Variants in COL5A2 observed in about 807,000 individuals in gnomAD.
COL5A2 encodes collagen type V alpha 2 chain, also known as collagen alpha-2(V) chain.
A neutral mutation model predicts 208.2 loss-of-function variants in COL5A2; 23 were observed. The ratio of observed to expected loss-of-function variants is 0.11; its 90% confidence interval spans 0.08 to 0.16. COL5A2 has a LOEUF of 0.16. COL5A2 is among the 10% of genes least tolerant of loss of function. The pLI, the probability that COL5A2 is intolerant of heterozygous loss-of-function variation, is 1.00. For synonymous variants in COL5A2, 625 were observed against 628.5 expected, an observed-to-expected ratio of 0.99 and a Z score of 0.08; for missense variants, 1,590 against 1,956.4, an observed-to-expected ratio of 0.81 and a Z score of 3.53.
chr2:189,139,411 T>A (rs933966773), intron 1 of COL5A2, among the ~76,000 whole-genome samples: 3 of 151,968 alleles, frequency 2.0e-5, no homozygotes, highest in Non-Finnish European at 2.9e-5. Context: ...ATCATACACA[T>A]CCTAATTGAG....
chr2:189,065,966 A>G (rs2105598172), intron 23 of COL5A2, among the ~76,000 whole-genome samples: 1 of 152,290 alleles, frequency 6.6e-6, no homozygotes, highest in South Asian at 2.1e-4. Flanking sequence ...TACAACACTG[A>G]CATATATGTG....
At chr2:189,319,853 G>C in the COL5A2 span, among the ~76,000 whole-genome samples, 20 of 152,344 alleles carry the variant, frequency 1.3e-4, no homozygotes, top group South Asian at 3.9e-3. Flanking sequence ...TCTGAGAATG[G>C]ACAGACTGCA....
the COL5A2 span, among the ~76,000 whole-genome samples, chr2:189,432,445 T>C: frequency 6.6e-6 from 1 of 152,100 alleles, no homozygotes; most frequent in African/African-American, 2.4e-5. Context: ...CCATCTCACA[T>C]GCAGAGACAC....
At chr2:189,114,537 C>A (rs1426075331) in intron 1 of COL5A2, among the ~76,000 whole-genome samples, 1 of 151,146 alleles carries the variant, frequency 6.6e-6, no homozygotes, top group Admixed American at 6.6e-5. Flanking sequence ...AAATGACATT[C>A]TGAGAAATTC....
At chr2:189,338,765 CATT>C in the COL5A2 span, among the ~76,000 whole-genome samples, 2 of 149,674 alleles carry the variant, frequency 1.3e-5, no homozygotes, top group East Asian at 1.9e-4. Flanking sequence ...AATATGTTAA[CATT>C]ATCCCAGTAA....
chr2:189,313,868 G>A, the COL5A2 span, among the ~76,000 whole-genome samples: 1 of 152,148 alleles, frequency 6.6e-6, no homozygotes, highest in Non-Finnish European at 1.5e-5. Flanking sequence ...TAATGGTAAA[G>A]GGTTCAATTC....
chr2:189,352,198 A>T, the COL5A2 span, among the ~76,000 whole-genome samples: 5 of 152,052 alleles, frequency 3.3e-5, no homozygotes, highest in Non-Finnish European at 7.4e-5. Context: ...ACCCAGTCTA[A>T]AACTGATGGT....
the COL5A2 span, among the ~76,000 whole-genome samples, chr2:189,234,229 T>C: frequency 6.6e-5 from 10 of 151,744 alleles, no homozygotes. Context: ...CCTAGTCCCA[T>C]TCCACTACAC....
chr2:189,384,194 T>C, the COL5A2 span, among the ~76,000 whole-genome samples: 11 of 152,310 alleles, frequency 7.2e-5, no homozygotes, highest in South Asian at 2.3e-3. Flanking sequence ...TCTCGGCTAC[T>C]GTGAATAGTG....
At chr2:189,322,635 T>C in the COL5A2 span, among the ~76,000 whole-genome samples, 6 of 152,132 alleles carry the variant, frequency 3.9e-5, no homozygotes, top group Non-Finnish European at 8.8e-5. Context: ...AGGAAGAAGT[T>C]GAATCTCTGA....
At chr2:189,082,991 G>A (rs1686569239) in intron 12 of COL5A2, among the ~76,000 whole-genome samples, 1 of 152,010 alleles carries the variant, frequency 6.6e-6, no homozygotes, top group Non-Finnish European at 1.5e-5. Context: ...TCCCTTAAAA[G>A]ATAAGGGAGC....
At chr2:189,045,615 A>G (rs1011105927) in intron 46 of COL5A2, among the ~76,000 whole-genome samples, 185 bp downstream of exon 46, 1 of 152,218 alleles carries the variant, frequency 6.6e-6, no homozygotes, top group African/African-American at 2.4e-5. Context: ...ATTCCCTCTT[A>G]GAAATGAAAT....
At chr2:189,320,960 T>G in the COL5A2 span, among the ~76,000 whole-genome samples, 2 of 152,154 alleles carry the variant, frequency 1.3e-5, no homozygotes, top group African/African-American at 4.8e-5. Flanking sequence ...AGACTAACAG[T>G]GGATCTCTGG....
chr2:189,374,512 T>C, the COL5A2 span, among the ~76,000 whole-genome samples: 6 of 152,208 alleles, frequency 3.9e-5, no homozygotes, highest in South Asian at 1.0e-3. Flanking sequence ...AAAAGCCACA[T>C]TTACAAAATG....
At chr2:189,398,026 G>A in the COL5A2 span, among the ~76,000 whole-genome samples, 3 of 151,990 alleles carry the variant, frequency 2.0e-5, no homozygotes, top group Non-Finnish European at 4.4e-5. Flanking sequence ...TAATGTCTGT[G>A]GTAATGCTTC....
At chr2:189,061,695 C>G in intron 29 of COL5A2, 80 bp from the exon 30 acceptor site, 1 of 1,031,898 alleles carries the variant, frequency 9.7e-7, no homozygotes, top group South Asian at 1.3e-5. Context: ...ACTAGAAGTA[C>G]TGATATTTAT....
chr2:189,057,132 T>C (rs1685915689), intron 34 of COL5A2, 106 bp from the exon 35 acceptor site: 1 of 1,316,914 alleles, frequency 7.6e-7, no homozygotes, highest in Non-Finnish European at 1.1e-6. Context: ...CCTAGTCGTA[T>C]CCAGGTGAGC....
At chr2:189,278,559 A>G in the COL5A2 span, among the ~76,000 whole-genome samples, 15 of 152,078 alleles carry the variant, frequency 9.9e-5, no homozygotes, top group Non-Finnish European at 4.4e-5. Flanking sequence ...CTTAAAATCC[A>G]TTATAAAGAG....
In COL5A2 at chr2:189,067,200, G is replaced by A. The variant is rs114593790; in HGVS notation, c.1402-418C>T. On this transcript the variant is annotated intron_variant, in intron 21 of 53. Coordinates refer to ENST00000374866, the MANE Select transcript of COL5A2 (RefSeq NM_000393.5). ...ATCAAAATAATTTTATATTTATGCC[G>A]TATTTATTGAGAATTTAGCAACTTC... Among the ~76,000 whole-genome samples the A allele has an allele frequency of 8.4e-3, 1,272 of 152,172 alleles. 6 individuals carry two copies. The highest frequency in any genetic ancestry group is 0.012 in the Non-Finnish European group (821 of 67,996).
Sources: gnomAD v4.1 joint callset for allele counts (sites outside exome capture counted in the v4.1 genomes callset) on GRCh38, gnomAD v4.1.1 for gene constraint, MANE v1.5 for transcripts, NCBI Gene and HGNC (gene_info 2026-07-23, HGNC 2026-07-21) for gene names.